The following TM9SF3 variants were observed in gnomAD, a reference collection of about 807,000 sequenced individuals.
TM9SF3 encodes SM-11044-binding protein.
A neutral mutation model predicts 78.6 loss-of-function variants in TM9SF3; 14 were observed. The ratio of observed to expected loss-of-function variants is 0.18; its 90% confidence interval spans 0.12 to 0.28. The LOEUF is 0.28. Among genes scored for constraint, TM9SF3 ranks in the 10% least tolerant of loss-of-function variants. The probability of loss-of-function intolerance (pLI) is 1.00; values close to 1 mark genes in which losing one functional copy is unlikely to be tolerated. For missense variants in TM9SF3, 496 were observed against 721.9 expected (o/e 0.69, Z 3.59); for synonymous variants, 231 against 241.7 (o/e 0.96, Z 0.41).
intron 1 of TM9SF3, among the ~76,000 whole-genome samples, chr10:96,583,074 T>A (rs1365122228): frequency 1.0e-5 from 1 of 99,308 alleles, no homozygotes. Context: ...GAGTGAAACA[T>A]AGTCTCAAAA....
At chr10:96,554,285 T>A (rs1334906937) in intron 5 of TM9SF3, among the ~76,000 whole-genome samples, 5 of 152,220 alleles carry the variant, frequency 3.3e-5, no homozygotes, top group Admixed American at 3.3e-4. Flanking sequence ...TCTTTTCATC[T>A]TCTCACCTCC....
At chr10:96,541,704 A>T (rs181269623) in intron 9 of TM9SF3, among the ~76,000 whole-genome samples, 1 of 152,340 alleles carries the variant, frequency 6.6e-6, no homozygotes, top group Admixed American at 6.5e-5. Context: ...TTCATAGAAC[A>T]GAGAACTAGA....
intron 1 of TM9SF3, among the ~76,000 whole-genome samples, chr10:96,580,537 A>AT: frequency 6.6e-6 from 1 of 152,258 alleles, no homozygotes; most frequent in South Asian, 2.1e-4. Context: ...AAGTGCTGGG[A>AT]TTACAGGCGT....
chr10:96,533,764 C>T (rs1033802751), intron 9 of TM9SF3, among the ~76,000 whole-genome samples: 1 of 152,194 alleles, frequency 6.6e-6, no homozygotes, highest in African/African-American at 2.4e-5. Flanking sequence ...AGAAGGAGAT[C>T]GCTATCTATG....
chr10:96,565,232 T>G, intron 3 of TM9SF3, 72 bp downstream of exon 3: 1 of 1,371,920 alleles, frequency 7.3e-7, no homozygotes, highest in Non-Finnish European at 9.6e-7. Context: ...CACAATCACC[T>G]TAACAGAGTC....
At position 96,547,910 on chromosome 10, in the gene TM9SF3, A is replaced by G; in HGVS notation, c.1039T>C (p.Tyr347His). 6.2e-7 allele frequency: 1 copy of G among 1,613,552 alleles called. No homozygotes were observed. The highest frequency in any genetic ancestry group is 8.5e-7 in the Non-Finnish European group (1 of 1,179,596). The change falls in exon 8 of 15, where the codon TAT (tyrosine) becomes CAT (histidine). Residue 347 changes from tyrosine to histidine, a missense_variant. Transcript: ENST00000371142. ...PVNGYFGGSL[Y>H]ARQGGRRWIK... is the part of the protein sequence containing the mutation. ...CGTAAGTTACCTCCTTGTCTAGCAT[A>G]CAGACTTCCTCCAAAATAACCATTC...
rs1202700596 is a variant in TM9SF3, at chr10:96,583,862, C to T, written c.102+2872G>A. The stretch of plus-strand genomic sequence containing the variant: ...CAGCCTGGCCAACATGGTGAAACCT[C>T]GTCTCTACTAAAAATACACAAATTA... On this transcript the variant is annotated intron_variant, in intron 1 of 14. Transcript: ENST00000371142. Among the ~76,000 whole-genome samples, 11 of 151,968 alleles carry T rather than the reference C, an allele frequency of 7.2e-5. 1 individual carries two copies. In the South Asian group the frequency reaches 1.9e-3, roughly 26 times the overall value.
At chr10:96,559,297 TCA>T (rs1848273682) in intron 5 of TM9SF3, among the ~76,000 whole-genome samples, 2 of 152,242 alleles carry the variant, frequency 1.3e-5, no homozygotes, top group African/African-American at 4.8e-5. Flanking sequence ...GCCCACTTGA[TCA>T]CAGATAGATA....
intron 1 of TM9SF3, 27 bp from the exon 2 acceptor site, chr10:96,576,856 TAA>T (rs35616822): frequency 3.4e-5 from 41 of 1,210,342 alleles, no homozygotes; most frequent in Middle Eastern, 2.1e-4. Context: ...AAACAAGAAT[TAA>T]AAAAAAAAAA....
At chr10:96,522,386 A>T (rs1409577247) in intron 14 of TM9SF3, 56 bp from the exon 15 acceptor site, 1 of 1,342,468 alleles carries the variant, frequency 7.4e-7, no homozygotes, top group East Asian at 2.6e-5. Flanking sequence ...AGTATCCATC[A>T]TTTAAAAACA....
chr10:96,550,214 C>T (rs1848150777), intron 7 of TM9SF3, among the ~76,000 whole-genome samples: 1 of 152,176 alleles, frequency 6.6e-6, no homozygotes, highest in African/African-American at 2.4e-5. Flanking sequence ...TTCAGTTCAA[C>T]AAGCATTGAC....
rs1848004364 is a variant in TM9SF3, at chr10:96,540,072, T to C, written c.1185+4004A>G. On this transcript the variant is annotated intron_variant, in intron 9 of 14. Transcript: ENST00000371142. ...TCATCTTCTTAGATTTGGCACATCA[T>C]TTCAGTCAGGTGAGATCTTTTTAGA... Among the ~76,000 whole-genome samples the C allele has an allele frequency of 3.3e-5, 5 of 152,260 alleles. No homozygotes were observed. In the South Asian group the frequency reaches 8.3e-4, roughly 25 times the overall value.
At chr10:96,528,005 AT>A (rs771959480) in intron 12 of TM9SF3, 25 bp downstream of exon 12, 1 of 1,594,216 alleles carries the variant, frequency 6.3e-7, no homozygotes, top group African/African-American at 1.4e-5. Flanking sequence ...GGTTCCCCAA[AT>A]TTCTATCCAC....
chr10:96,568,053 G>C (rs888195871), intron 2 of TM9SF3, among the ~76,000 whole-genome samples: 2 of 152,204 alleles, frequency 1.3e-5, no homozygotes, highest in African/African-American at 4.8e-5. Flanking sequence ...CATGTTAAAA[G>C]GGAAAATCTA....
chr10:96,551,313 A>G lies in TM9SF3; in HGVS notation c.891T>C (p.Ser297=), dbSNP rs765967066. The change falls in exon 7 of 15, where the codon TCT becomes TCC. Residue 297 remains serine, a synonymous_variant. Coordinates refer to ENST00000371142, the MANE Select transcript of TM9SF3 (RefSeq NM_020123.4). ...HPLIFSSLIG[S]GCQIFAVSLI... is the part of the protein sequence containing the mutation. ...GAGACACAGCAAATATCTGACATCC[A>G]GAACCAATCAGAGAGGAAAATATCA... 6.2e-7 allele frequency: 1 copy of G among 1,613,016 alleles called. No homozygotes were observed. The highest frequency in any genetic ancestry group is 1.3e-5 in the African/African-American group (1 of 74,900).
intron 2 of TM9SF3, among the ~76,000 whole-genome samples, chr10:96,572,923 AGTTAG>A (rs1388806891): frequency 3.2e-4 from 48 of 149,192 alleles, no homozygotes; most frequent in African/African-American, 1.2e-3. Context: ...CCTGTATTAG[AGTTAG>A]ACTATCATTA....
At chr10:96,576,936 G>A in intron 1 of TM9SF3, 107 bp from the exon 2 acceptor site, 1 of 824,352 alleles carries the variant, frequency 1.2e-6, no homozygotes, top group Non-Finnish European at 1.7e-6. Context: ...CTCTGTTCAG[G>A]AAGCTATAAA....
chr10:96,582,204 T>C lies in TM9SF3; in HGVS notation c.102+4530A>G, dbSNP rs960593938. On this transcript the variant is annotated intron_variant, in intron 1 of 14. Transcript: ENST00000371142. ...AAACTATAAAATGCTCTAAGATTCC[T>C]GTGCCCCTAAGTACTGGGTTTTTGC... Among the ~76,000 whole-genome samples the C allele has an allele frequency of 4.6e-5, 7 of 152,208 alleles. No individual in the cohort carries two copies. In the East Asian group the frequency reaches 1.3e-3, roughly 29 times the overall value.
At chr10:96,543,931 A>G in intron 9 of TM9SF3, 145 bp downstream of exon 9, 1 of 739,982 alleles carries the variant, frequency 1.4e-6, no homozygotes. Flanking sequence ...CAACAGTAGT[A>G]TTCTCCTCAT....
Sources: gnomAD v4.1 joint callset for allele counts (sites outside exome capture counted in the v4.1 genomes callset) on GRCh38, gnomAD v4.1.1 for gene constraint, MANE v1.5 for transcripts, NCBI Gene and HGNC (gene_info 2026-07-23, HGNC 2026-07-21) for gene names.